Variants in NUDT1 observed in about 807,000 individuals in gnomAD.
The protein encoded by NUDT1 is oxidized purine nucleoside triphosphate hydrolase.
NUDT1 carries 16 observed loss-of-function variants against 11.3 expected under a neutral mutation model. The ratio of observed to expected loss-of-function variants is 1.41; its 90% CI spans 0.96 to 2.15. The LOEUF (loss-of-function observed/expected upper bound fraction) is 2.15, where lower values mean the gene tolerates loss of function less well. Ranked by LOEUF, NUDT1 falls within the 30% of genes most tolerant of loss-of-function variation. The pLI is 0.00. For missense variants in NUDT1, 234 were observed against 208.4 expected (o/e 1.12, Z -0.76); for synonymous variants, 101 against 84.4 (o/e 1.20, Z -1.08).
intron 2 of NUDT1, 110 bp downstream of exon 2, chr7:2,244,836 AGG>A: frequency 5.2e-6 from 7 of 1,343,470 alleles, no homozygotes; most frequent in Non-Finnish European, 7.1e-6. Context: ...GACCTGGAGC[AGG>A]GGGTTAAGCG....
At chr7:2,243,067 C>T (rs1209070042) in intron 1 of NUDT1, 2 of 714,984 alleles carry the variant, frequency 2.8e-6, no homozygotes, top group Non-Finnish European at 5.2e-6. Flanking sequence ...CCCCTGGAGT[C>T]GGGCTGCTGA....
chr7:2,250,132 A>G (rs1034470666), intron 3 of NUDT1, 130 bp downstream of exon 3: 64 of 1,204,322 alleles, frequency 5.3e-5, no homozygotes, highest in Non-Finnish European at 7.2e-5. Flanking sequence ...TCCACCCCAC[A>G]GTGCCAGCGT....
At chr7:2,244,757 C>G (rs372952708) in intron 2 of NUDT1, 31 bp downstream of exon 2, 17 of 1,591,142 alleles carry the variant, frequency 1.1e-5, no homozygotes, top group African/African-American at 2.7e-5. Context: ...GCCATAGAAC[C>G]GGCTTTCCCA....
intron 1 of NUDT1, 112 bp from the exon 2 acceptor site, chr7:2,244,451 T>TTGGCCCC: frequency 1.0e-6 from 1 of 981,624 alleles, no homozygotes; most frequent in Non-Finnish European, 1.5e-6. Flanking sequence ...AGTTACAGCA[T>TTGGCCCC]ACCCCCCCGC....
At chr7:2,247,185 G>C (rs1422013112) in intron 2 of NUDT1, among the ~76,000 whole-genome samples, 1 of 152,176 alleles carries the variant, frequency 6.6e-6, no homozygotes, top group Non-Finnish European at 1.5e-5. Context: ...CGGGAGGCAG[G>C]GAGGAGCGTC....
In NUDT1 at chr7:2,244,465, C is replaced by T. The variant is rs1441688536; in HGVS notation, c.-12-98C>T. 9.1e-6 allele frequency: 9 copies of T among 987,896 alleles called. 1 individual carries two copies. Among genetic ancestry groups the T allele is most frequent in the Non-Finnish European group, 1.1e-5 (8 of 696,082 alleles). The allele number at this position is 987,896 out of a possible 1,614,324, so 61.2% of individuals were successfully genotyped here. ...GAGTTACAGCATACCCCCCCGCCCC[C>T]CACTGCCTCCCAGAGCACGTCCCCT... On this transcript the variant is annotated intron_variant, in intron 1 of 3. Transcript: ENST00000356714.
chr7:2,246,892 C>T (rs1035305953), intron 2 of NUDT1, among the ~76,000 whole-genome samples: 2 of 152,154 alleles, frequency 1.3e-5, no homozygotes, highest in Non-Finnish European at 2.9e-5. Flanking sequence ...GCTGTGATTA[C>T]AGGCGTGAGC....
chr7:2,242,725 CTAGGGGAACATA>C, intron 1 of NUDT1: 1 of 458,258 alleles, frequency 2.2e-6, no homozygotes, highest in Non-Finnish European at 3.9e-6. Flanking sequence ...TCTCAAGCCT[CTAGGGGAACATA>C]CAGACAGGCA....
intron 3 of NUDT1, among the ~76,000 whole-genome samples, 196 bp downstream of exon 3, chr7:2,250,198 C>T (rs1282367133): frequency 6.6e-6 from 1 of 152,250 alleles, no homozygotes; most frequent in Non-Finnish European, 1.5e-5. Flanking sequence ...CCTGCCCCTG[C>T]TCTGCGCCCA....
Position 2,251,094 on chromosome 7 carries a change from G to A in NUDT1, c.*93G>A. 2 of 1,286,592 alleles carry A rather than the reference G, an allele frequency of 1.6e-6. No homozygotes were observed. Among genetic ancestry groups the A allele is most frequent in the Non-Finnish European group, 2.2e-6 (2 of 894,374 alleles). The allele number at this position is 1,286,592 out of a possible 1,614,324, so 79.7% of individuals were successfully genotyped here. On this transcript the variant is annotated 3_prime_UTR_variant, in exon 4 of 4. Transcript: ENST00000356714. ...GGGGCATTGAGTGGCGCAGAGCCGG[G>A]TTTCATCTGGAATTAACTGGATGGA...
intron 3 of NUDT1, among the ~76,000 whole-genome samples, chr7:2,250,507 G>A (rs1055795263): frequency 6.6e-6 from 1 of 152,226 alleles, no homozygotes; most frequent in Admixed American, 6.5e-5. Flanking sequence ...GCCCAGGCTG[G>A]AGGGCAATGG....
chr7:2,249,844 C>T lies in NUDT1; in HGVS notation c.153-13C>T, dbSNP rs1794907951. ...CCTGACGGCCTCCCTCCCCTGCCCA[C>T]CTCTGCCCGCAGGGAGCTGCAGGAG... On this transcript the variant is annotated splice_polypyrimidine_tract_variant and intron_variant, in intron 2 of 3. Transcript: ENST00000356714. 1 of 1,612,368 alleles carries T rather than the reference C, an allele frequency of 6.2e-7. No homozygotes were observed. Among genetic ancestry groups the T allele is most frequent in the Non-Finnish European group, 8.5e-7 (1 of 1,179,992 alleles).
chr7:2,244,802 T>C, intron 2 of NUDT1, 76 bp downstream of exon 2: 1 of 1,531,106 alleles, frequency 6.5e-7, no homozygotes, highest in Non-Finnish European at 8.8e-7. Flanking sequence ...GCCACACCCT[T>C]GGTTTCACCA....
intron 2 of NUDT1, among the ~76,000 whole-genome samples, chr7:2,247,197 G>A (rs1006993125): frequency 1.3e-5 from 2 of 152,124 alleles, no homozygotes; most frequent in African/African-American, 4.8e-5. Context: ...AGGAGCGTCG[G>A]CAGCCCGGTC....
rs1426956077 is a variant in NUDT1 at position 2,244,446 on chromosome 7, C to G, written c.-12-117C>G. 4 of 1,006,332 alleles carry G rather than the reference C, an allele frequency of 4.0e-6. No homozygotes were observed. In the African/African-American group the frequency reaches 6.6e-5, roughly 17 times the overall value. 62.3% of individuals were successfully genotyped at this position (1,006,332 alleles called of 1,614,324 possible). On this transcript the variant is annotated intron_variant, in intron 1 of 3. Transcript: ENST00000356714. ...CACACGTGGCAGGGCTGGGGAGTTACAGCATACCCCCCCGCCCCCCACTGC... is the reference window on the plus strand; with the variant it reads ...CACACGTGGCAGGGCTGGGGAGTTAGAGCATACCCCCCCGCCCCCCACTGC...
chr7:2,245,904 T>A (rs1053879872), intron 2 of NUDT1, among the ~76,000 whole-genome samples: 8 of 152,016 alleles, frequency 5.3e-5, no homozygotes, highest in African/African-American at 1.7e-4. Context: ...AACCCTCAGT[T>A]TGGAGAGCCC....
intron 2 of NUDT1, among the ~76,000 whole-genome samples, chr7:2,245,530 T>G (rs1021889075): frequency 4.6e-5 from 7 of 152,186 alleles, no homozygotes; most frequent in Non-Finnish European, 7.4e-5. Context: ...TAAAGTAAGT[T>G]GCAGTAGCCG....
At chr7:2,244,334 T>G in intron 1 of NUDT1, 1 of 446,028 alleles carries the variant, frequency 2.2e-6, no homozygotes, top group East Asian at 3.6e-5. Flanking sequence ...CTGCTCTGCT[T>G]GATCAGCCCT....
chr7:2,249,374 A>G (rs1214112544), intron 2 of NUDT1: 1 of 222,548 alleles, frequency 4.5e-6, no homozygotes, highest in Non-Finnish European at 9.1e-6. Context: ...TATAGGGCCC[A>G]GGTTCCCAGA....
Sources: allele counts gnomAD v4.1 joint callset (sites outside exome capture counted in the v4.1 genomes callset), GRCh38; gene constraint gnomAD v4.1.1; transcripts MANE v1.5; gene names NCBI Gene and HGNC (gene_info 2026-07-23, HGNC 2026-07-21).